LARGE1: variants seen among roughly 807,000 people sequenced by gnomAD.
LARGE1 encodes the protein LARGE xylosyl- and glucuronyltransferase 1.
A neutral mutation model predicts 87.6 loss-of-function variants in LARGE1; 43 were observed. That is an observed-to-expected ratio of 0.49 (90% confidence interval 0.38 to 0.63). LARGE1 has a LOEUF of 0.63. Ranked by LOEUF, LARGE1 falls within the 30% of genes least tolerant of loss-of-function variation. LARGE1 has a pLI of 0.00. For missense variants in LARGE1, 802 were observed against 1,000.2 expected, an observed-to-expected ratio of 0.80 and a Z score of 2.67; for synonymous variants, 434 against 394.6, an observed-to-expected ratio of 1.10 and a Z score of -1.18.
intron 1 of LARGE1, among the ~76,000 whole-genome samples, chr22:33,811,480 C>A (rs1028948059): frequency 1.3e-5 from 2 of 152,132 alleles, no homozygotes; most frequent in South Asian, 4.1e-4. Context: ...TCAGTTCAAC[C>A]AACAAAACCT....
intron 2 of LARGE1, among the ~76,000 whole-genome samples, chr22:33,663,900 AATTAC>A (rs1315112407): frequency 1.3e-5 from 2 of 152,170 alleles, no homozygotes; most frequent in Non-Finnish European, 2.9e-5. Context: ...TCATTTGGTG[AATTAC>A]CATGGACCCT....
chr22:33,393,255 T>C (rs542258147), intron 7 of LARGE1, among the ~76,000 whole-genome samples: 22 of 152,334 alleles, frequency 1.4e-4, no homozygotes, highest in Middle Eastern at 3.4e-3. Flanking sequence ...GAAACAGAAC[T>C]CTGTTTATTG....
chr22:33,643,367 T>C (rs954226835), intron 3 of LARGE1, among the ~76,000 whole-genome samples: 1 of 152,092 alleles, frequency 6.6e-6, no homozygotes, highest in Non-Finnish European at 1.5e-5. Flanking sequence ...AGACACAACA[T>C]ACCAGAATCT....
At chr22:33,283,378 A>G in intron 12 of LARGE1, 30 bp from the exon 13 acceptor site, 1 of 1,613,926 alleles carries the variant, frequency 6.2e-7, no homozygotes, top group Non-Finnish European at 8.5e-7. Context: ...AGAGAGACAG[A>G]GTCCCTGTGA....
At chr22:33,771,321 A>T (rs1255643450) in intron 1 of LARGE1, among the ~76,000 whole-genome samples, 1 of 152,080 alleles carries the variant, frequency 6.6e-6, no homozygotes, top group African/African-American at 2.4e-5. Flanking sequence ...CTTCAGATGA[A>T]TGCAACCCTC....
intron 1 of LARGE1, among the ~76,000 whole-genome samples, chr22:33,792,880 C>G (rs1023696115): frequency 6.6e-6 from 1 of 152,086 alleles, no homozygotes; most frequent in African/African-American, 2.4e-5. Context: ...ACCCCAGCCA[C>G]GGGAAAAAGA....
chr22:33,627,639 C>G (rs557482765), intron 3 of LARGE1, among the ~76,000 whole-genome samples: 20 of 152,268 alleles, frequency 1.3e-4, no homozygotes, highest in Admixed American at 1.1e-3. Flanking sequence ...GGTGATGTGA[C>G]AATGTCCTCT....
chr22:33,913,247 C>G (rs2065688759), intron 1 of LARGE1, among the ~76,000 whole-genome samples: 1 of 152,218 alleles, frequency 6.6e-6, no homozygotes, highest in Non-Finnish European at 1.5e-5. Context: ...GAAACTCTTA[C>G]CTAATTTACT....
chr22:33,807,340 C>T (rs1055358884), intron 1 of LARGE1, among the ~76,000 whole-genome samples: 1 of 152,182 alleles, frequency 6.6e-6, no homozygotes, highest in Non-Finnish European at 1.5e-5. Flanking sequence ...TAAGCATTCA[C>T]TTTCGTAACC....
intron 2 of LARGE1, among the ~76,000 whole-genome samples, chr22:33,759,095 A>G (rs996455882): frequency 6.6e-6 from 1 of 152,228 alleles, no homozygotes; most frequent in Non-Finnish European, 1.5e-5. Flanking sequence ...ACCCTGAGAA[A>G]AACCAAGGCA....
At chr22:33,902,635 G>A (rs2065315968) in intron 1 of LARGE1, among the ~76,000 whole-genome samples, 1 of 152,120 alleles carries the variant, frequency 6.6e-6, no homozygotes, top group Non-Finnish European at 1.5e-5. Context: ...CCCTGAAACA[G>A]TCTGCACTGC....
chr22:33,880,756 A>G (rs1401998480), intron 1 of LARGE1, among the ~76,000 whole-genome samples: 1 of 152,120 alleles, frequency 6.6e-6, no homozygotes, highest in Non-Finnish European at 1.5e-5. Context: ...ATTCATATGG[A>G]TATTTTCATT....
At chr22:33,247,591 C>T (rs919978582) in intron 11 of LARGE1, among the ~76,000 whole-genome samples, 5 of 152,192 alleles carry the variant, frequency 3.3e-5, no homozygotes, top group African/African-American at 1.2e-4. Flanking sequence ...AAAGCTAAAA[C>T]GTTGCATGTT....
chr22:33,337,923 A>T, intron 9 of LARGE1, 122 bp from the exon 10 acceptor site: 1 of 1,116,878 alleles, frequency 9.0e-7, no homozygotes, highest in South Asian at 1.5e-5. Flanking sequence ...TCATTCGCTC[A>T]TTCAACATTT....
At chr22:33,676,932 G>C (rs2081599907) in intron 2 of LARGE1, among the ~76,000 whole-genome samples, 1 of 152,166 alleles carries the variant, frequency 6.6e-6, no homozygotes, top group Non-Finnish European at 1.5e-5. Flanking sequence ...CAATAAGATA[G>C]AGCTTCAATA....
the LARGE1 span, among the ~76,000 whole-genome samples, chr22:33,078,864 C>T: frequency 6.6e-6 from 1 of 152,178 alleles, no homozygotes; most frequent in Non-Finnish European, 1.5e-5. Context: ...GAGGTCAGGG[C>T]AAGCTCCACA....
chr22:33,759,069 C>G (rs1046800389), intron 2 of LARGE1, among the ~76,000 whole-genome samples: 1 of 152,104 alleles, frequency 6.6e-6, no homozygotes, highest in African/African-American at 2.4e-5. Flanking sequence ...GAAACTTCCT[C>G]TATGTAGATA....
chr22:33,213,097 A>AT (rs1345334955), intron 11 of LARGE1, among the ~76,000 whole-genome samples: 1 of 152,128 alleles, frequency 6.6e-6, no homozygotes, highest in Non-Finnish European at 1.5e-5. Flanking sequence ...GAAGAAGTTT[A>AT]TTCCAACCCT....
the LARGE1 span, among the ~76,000 whole-genome samples, chr22:33,133,425 C>A: frequency 6.6e-6 from 1 of 152,228 alleles, no homozygotes; most frequent in South Asian, 2.1e-4. Flanking sequence ...TGAGAACATG[C>A]AGTTTTTGGT....
Sources: gnomAD v4.1 joint callset for allele counts (sites outside exome capture counted in the v4.1 genomes callset) on GRCh38, gnomAD v4.1.1 for gene constraint, MANE v1.5 for transcripts, NCBI Gene and HGNC (gene_info 2026-07-23, HGNC 2026-07-21) for gene names.